The following DNAAF8 variants were observed in gnomAD, a reference collection of about 807,000 sequenced individuals.
DNAAF8 encodes dynein axonemal assembly factor 8, also known as dynein axonemal-associated protein 1.
In DNAAF8, 61 loss-of-function variants were observed where a neutral mutation model predicts 54.6. The ratio of observed to expected loss-of-function variants is 1.12; its 90% CI spans 0.91 to 1.38. The LOEUF (loss-of-function observed/expected upper bound fraction) is 1.38, where lower values mean the gene tolerates loss of function less well. DNAAF8 is among the 40% of genes most tolerant of loss of function. The probability of loss-of-function intolerance (pLI) is 0.00; values close to 1 mark genes in which losing one functional copy is unlikely to be tolerated. For synonymous variants in DNAAF8, 320 were observed against 270.1 expected (o/e 1.18, Z -1.81); for missense variants, 837 against 665.0 (o/e 1.26, Z -2.85).
At position 4,740,435 on chromosome 16, in the gene DNAAF8, A is replaced by G. The variant is rs2081948197; in HGVS notation, c.559A>G (p.Ser187Gly). The G allele has an allele frequency of 1.2e-6, 2 of 1,613,806 alleles. No individual in the cohort carries two copies. Among genetic ancestry groups the G allele is most frequent in the Non-Finnish European group, 1.7e-6 (2 of 1,179,892 alleles). Residue 187 changes from serine (S) to glycine (G), a missense_variant, in exon 4 of 10, where the codon AGC becomes GGC. Physicochemically the swap from Ser to Gly is moderately conservative, Grantham distance 56. Transcript: ENST00000299320. ...HEGDPKAEPL[S>G]TASQESVNRR... ...AGGAGACCCAAAGGCAGAGCCCCTC[A>G]GCACTGCCTCACAAGAATCTGTGAA... is the stretch of plus-strand genomic sequence containing the variant.
intron 5 of DNAAF8, chr16:4,743,729 C>T (rs2081978781): frequency 6.6e-6 from 1 of 152,340 alleles, no homozygotes; most frequent in Admixed American, 6.5e-5. Flanking sequence ...GCGCTTCCGC[C>T]TCTGGTCCCA....
At chr16:4,736,028 C>T (rs935980060) in intron 1 of DNAAF8, among the ~76,000 whole-genome samples, 2 of 150,806 alleles carry the variant, frequency 1.3e-5, no homozygotes, top group African/African-American at 5.0e-5. Flanking sequence ...TGAAATTCCC[C>T]CTGATTCAGA....
chr16:4,737,537 C>A (rs2081912300), intron 2 of DNAAF8, among the ~76,000 whole-genome samples: 2 of 152,222 alleles, frequency 1.3e-5, no homozygotes, highest in South Asian at 4.1e-4. Context: ...GAGGTACTTG[C>A]AGAACCAGGA....
chr16:4,742,332 A>T (rs556658169), intron 4 of DNAAF8, among the ~76,000 whole-genome samples: 2 of 152,194 alleles, frequency 1.3e-5, no homozygotes, highest in South Asian at 4.2e-4. Flanking sequence ...AGGCAGATGG[A>T]TTGCTTGAGG....
At chr16:4,742,552 CA>C (rs576508321) in intron 4 of DNAAF8, among the ~76,000 whole-genome samples, 50,751 of 94,766 alleles carry the variant, frequency 0.54, 10,237 homozygotes, top group East Asian at 0.68. Flanking sequence ...ACTAAAAATA[CA>C]AAAAAAAAAA....
Position 4,747,510 on chromosome 16 carries a change from C to T in DNAAF8, c.1448C>T (p.Ala483Val). The T allele has an allele frequency of 2.5e-6, 4 of 1,613,254 alleles. No homozygotes were observed. The highest frequency in any genetic ancestry group is 3.4e-6 in the Non-Finnish European group (4 of 1,179,958). Residue 483 changes from alanine to valine, a missense_variant, in exon 9 of 10, where the codon GCC becomes GTC. Physicochemically the swap from Ala to Val is moderately conservative, Grantham distance 64. Coordinates refer to ENST00000299320, the MANE Select transcript of DNAAF8 (RefSeq NM_139170.3). ...TGRKQHMKLC[A>V]KGQSAQARLP... ...AGGAAGCAACACATGAAGCTCTGTG[C>T]CAAGGGGCAGAGCGCCCAGGCTCGA...
intron 5 of DNAAF8, among the ~76,000 whole-genome samples, chr16:4,744,228 GC>G (rs1483527708): frequency 1.3e-5 from 2 of 152,184 alleles, no homozygotes; most frequent in Admixed American, 1.3e-4. Flanking sequence ...ACCGCGCTTG[GC>G]CGAATGTATT....
chr16:4,744,718 A>G (rs530201230), intron 5 of DNAAF8, 152 bp from the exon 6 acceptor site: 5 of 949,536 alleles, frequency 5.3e-6, no homozygotes, highest in Non-Finnish European at 7.6e-6. Flanking sequence ...GAGTCCTCAG[A>G]GGGCTGAGTA....
intron 5 of DNAAF8, chr16:4,743,502 A>T: frequency 7.3e-6 from 1 of 137,326 alleles, no homozygotes; most frequent in Non-Finnish European, 1.5e-5. Flanking sequence ...AGGAAGCCCC[A>T]CCTTCTGTGC....
At chr16:4,745,907 C>G (rs3888386) in intron 6 of DNAAF8, among the ~76,000 whole-genome samples, 86,095 of 148,352 alleles carry the variant, frequency 0.58, 25,289 homozygotes, top group East Asian at 0.67. Context: ...TGACCAAGAT[C>G]ATGCCACTGC....
intron 5 of DNAAF8, 152 bp downstream of exon 5, chr16:4,743,312 A>C (rs1327083541): frequency 3.5e-6 from 2 of 573,248 alleles, no homozygotes; most frequent in African/African-American, 3.9e-5. Flanking sequence ...TCATGCTGCC[A>C]GTCCCCAAAA....
In DNAAF8 at chr16:4,740,308, C is replaced by G; in HGVS notation, c.432C>G (p.Pro144=). 1 of 1,613,970 alleles carries G rather than the reference C, an allele frequency of 6.2e-7. No individual in the cohort carries two copies. Among genetic ancestry groups the G allele is most frequent in the Non-Finnish European group, 8.5e-7 (1 of 1,179,970 alleles). ...SALLGMAEEP[P]RWLEGDLGSL... ...TTCTTGGGATGGCCGAGGAGCCCCC[C>G]AGGTGGCTGGAAGGCGACCTTGGAA... Residue 144 remains proline (P), a synonymous_variant, in exon 4 of 10, where the codon CCC becomes CCG. Coordinates refer to ENST00000299320, the MANE Select transcript of DNAAF8 (RefSeq NM_139170.3).
rs1451828905 is a variant in DNAAF8, at chr16:4,749,353, G to C, written c.*638G>C. On this transcript the variant is annotated 3_prime_UTR_variant, in exon 10 of 10. Transcript: ENST00000299320. ...TTTTTAATGCCAGTAACCTCACTGA[G>C]AATGTTTTACAGTGATGGAAAATAA... The C allele has an allele frequency of 6.5e-6, 1 of 154,406 alleles. No individual in the cohort carries two copies. Among genetic ancestry groups the C allele is most frequent in the Non-Finnish European group, 1.5e-5 (1 of 68,228 alleles). The allele number at this position is 154,406 out of a possible 1,614,324, so 9.6% of individuals were successfully genotyped here. A position where few individuals can be genotyped will look rare whatever the true frequency, so the allele number is the denominator to read the frequency against.
At chr16:4,740,775 C>A (rs1482997740) in intron 4 of DNAAF8, 116 bp downstream of exon 4, 2 of 1,249,770 alleles carry the variant, frequency 1.6e-6, no homozygotes, top group East Asian at 2.5e-5. Flanking sequence ...GACCTTAGGC[C>A]CATTATCCAC....
At position 4,747,588 on chromosome 16, in the gene DNAAF8, C is replaced by T. The variant is rs760848582; in HGVS notation, c.1526C>T (p.Ala509Val). ...GGGGATGTTCCTGAGCCAGGGGCAG[C>T]CAGGGAGGCCCTGATGCCTCCTCTG... ...ALGDVPEPGA[A>V]REALMPPLEQ... The change falls in exon 9 of 10, where the codon GCC becomes GTC. Residue 509 changes from alanine to valine, a missense_variant. Ala to Val is a moderately conservative substitution (Grantham distance 64). Transcript: ENST00000299320. 3.1e-5 allele frequency: 50 copies of T among 1,610,208 alleles called. No homozygotes were observed. Among genetic ancestry groups the T allele is most frequent in the Non-Finnish European group, 4.1e-5 (48 of 1,179,084 alleles).
Position 4,739,896 on chromosome 16 carries a change from A to C in DNAAF8, c.277-257A>C, listed in dbSNP as rs144534429. Among the ~76,000 whole-genome samples, 15 of 151,922 alleles carry C rather than the reference A, an allele frequency of 9.9e-5. No homozygotes were observed. The East Asian group carries it at 2.9e-3, about 30-fold the overall frequency. ...TGTAGAGACTCTGTCACTACAAAAT[A>C]ATATTAAAAAAAATTAACTGGGCCT... On this transcript the variant is annotated intron_variant, in intron 3 of 9. Transcript: ENST00000299320.
intron 2 of DNAAF8, 88 bp downstream of exon 2, chr16:4,736,731 G>A: frequency 7.7e-7 from 1 of 1,291,890 alleles, no homozygotes; most frequent in Non-Finnish European, 1.0e-6. Context: ...GCACTTCTCT[G>A]AAGACTTTTC....
rs937226989 is a variant in DNAAF8, at chr16:4,737,699, T to G, written c.130-101T>G. ...GACGGGCTGGATGGGCTGGGCGGGC[T>G]GGGCTGGAAGTGAGAGTGGAGAGTG... On this transcript the variant is annotated intron_variant, in intron 2 of 9. Coordinates refer to ENST00000299320, the MANE Select transcript of DNAAF8 (RefSeq NM_139170.3). The G allele has an allele frequency of 7.7e-5, 110 of 1,428,704 alleles. 1 individual carries two copies. Among genetic ancestry groups the G allele is most frequent in the Middle Eastern group, 7.4e-4 (3 of 4,034 alleles). 88.5% of individuals were successfully genotyped at this position (1,428,704 alleles called of 1,614,324 possible).
chr16:4,737,667 A>C, intron 2 of DNAAF8, 133 bp from the exon 3 acceptor site: 1 of 1,127,602 alleles, frequency 8.9e-7, no homozygotes, highest in Non-Finnish European at 1.3e-6. Flanking sequence ...CCTGAGCAGC[A>C]GGGCTGGACG....
Sources: allele counts gnomAD v4.1 joint callset (sites outside exome capture counted in the v4.1 genomes callset), GRCh38; gene constraint gnomAD v4.1.1; transcripts MANE v1.5; gene names NCBI Gene and HGNC (gene_info 2026-07-23, HGNC 2026-07-21).